NPAS3: variants seen among roughly 807,000 people sequenced by gnomAD.
NPAS3 encodes neuronal PAS domain-containing protein 3.
Under a neutral mutation model 73.1 loss-of-function variants are expected in NPAS3, and 14 were observed. The ratio of observed to expected loss-of-function variants is 0.19; its 90% CI spans 0.13 to 0.30. The LOEUF is 0.30. Among genes scored for constraint, NPAS3 ranks in the 10% least tolerant of loss-of-function variants. NPAS3 has a pLI of 1.00. For synonymous variants in NPAS3, 620 were observed against 541.5 expected (o/e 1.14, Z -2.01); for missense variants, 1,096 against 1,250.0 (o/e 0.88, Z 1.86).
intron 2 of NPAS3, among the ~76,000 whole-genome samples, chr14:33,156,526 T>G (rs1240382951): frequency 6.6e-6 from 1 of 152,226 alleles, no homozygotes; most frequent in Non-Finnish European, 1.5e-5. Flanking sequence ...TTAAATTCCC[T>G]TAATTATTTA....
intron 7 of NPAS3, among the ~76,000 whole-genome samples, chr14:33,754,525 C>A (rs763031028): frequency 6.6e-6 from 1 of 152,040 alleles, no homozygotes. Flanking sequence ...GGCTCTATGG[C>A]GGTAGCATGG....
At chr14:33,198,142 C>G (rs971691041) in intron 2 of NPAS3, among the ~76,000 whole-genome samples, 1 of 152,130 alleles carries the variant, frequency 6.6e-6, no homozygotes, top group African/African-American at 2.4e-5. Context: ...AAACTGCAGA[C>G]CTTCGCAGTG....
intron 5 of NPAS3, among the ~76,000 whole-genome samples, chr14:33,666,796 G>A (rs1422953200): frequency 6.6e-6 from 1 of 152,146 alleles, no homozygotes; most frequent in Non-Finnish European, 1.5e-5. Flanking sequence ...ATAAATGATA[G>A]ATAAATACAT....
chr14:33,627,262 T>A (rs948731873), intron 5 of NPAS3, among the ~76,000 whole-genome samples: 58 of 152,100 alleles, frequency 3.8e-4, no homozygotes, highest in African/African-American at 1.3e-3. Flanking sequence ...AACGTACAAA[T>A]AAAGTTGTTT....
chr14:33,349,876 G>A (rs936712353), intron 3 of NPAS3, among the ~76,000 whole-genome samples: 2 of 152,168 alleles, frequency 1.3e-5, no homozygotes, highest in Admixed American at 1.3e-4. Flanking sequence ...GTCTCTGGGC[G>A]GAATTGTTGA....
intron 3 of NPAS3, among the ~76,000 whole-genome samples, chr14:33,229,788 A>G (rs1344220844): frequency 6.6e-6 from 1 of 152,224 alleles, no homozygotes; most frequent in African/African-American, 2.4e-5. Context: ...AACGACTCTA[A>G]TAATTTGTAC....
At chr14:33,699,951 A>T (rs1209551206) in intron 6 of NPAS3, among the ~76,000 whole-genome samples, 1 of 152,174 alleles carries the variant, frequency 6.6e-6, no homozygotes, top group Non-Finnish European at 1.5e-5. Context: ...GTGGCATCAT[A>T]AAATACCCTA....
intron 4 of NPAS3, among the ~76,000 whole-genome samples, chr14:33,417,974 G>T (rs112942064): frequency 1.3e-5 from 2 of 151,968 alleles, no homozygotes; most frequent in Middle Eastern, 3.4e-3. Context: ...TTGCACACAC[G>T]CTCATTGTTT....
At position 33,216,126 on chromosome 14, in the gene NPAS3, A is replaced by T. The variant is rs191440356; in HGVS notation, c.385+700A>T. Reference sequence around the variant, plus strand: ...TATGCATGGATATATTTATTTATGTATATGTGGTGTTGGCCATTGGTTTTC... The same window carrying T: ...TATGCATGGATATATTTATTTATGTTTATGTGGTGTTGGCCATTGGTTTTC... On this transcript the variant is annotated intron_variant, in intron 3 of 11. Transcript: ENST00000356141. 1.7e-4 allele frequency among the ~76,000 whole-genome samples: 26 copies of T among 152,168 alleles called. No homozygotes were observed. The South Asian group carries it at 5.4e-3, about 32-fold the overall frequency.
intron 5 of NPAS3, among the ~76,000 whole-genome samples, chr14:33,621,114 A>T (rs2058063880): frequency 6.6e-6 from 1 of 152,120 alleles, no homozygotes; most frequent in Admixed American, 6.5e-5. Context: ...TAACTGCAAT[A>T]CGTGAAAAGG....
chr14:33,341,705 A>T (rs921148272), intron 3 of NPAS3, among the ~76,000 whole-genome samples: 6 of 152,158 alleles, frequency 3.9e-5, no homozygotes, highest in African/African-American at 1.4e-4. Flanking sequence ...GATTGGCTAC[A>T]CTGATCTCTG....
intron 1 of NPAS3, among the ~76,000 whole-genome samples, chr14:33,022,198 A>T (rs540868585): frequency 6.6e-6 from 1 of 152,364 alleles, no homozygotes; most frequent in African/African-American, 2.4e-5. Flanking sequence ...ACTTTCTGTC[A>T]ATGGGAAAAT....
At chr14:33,557,553 T>G (rs2055415845) in intron 4 of NPAS3, among the ~76,000 whole-genome samples, 1 of 152,238 alleles carries the variant, frequency 6.6e-6, no homozygotes, top group Non-Finnish European at 1.5e-5. Context: ...GAATCTTTAT[T>G]TTTATTGTAA....
At chr14:33,654,969 C>T (rs1309746135) in intron 5 of NPAS3, among the ~76,000 whole-genome samples, 1 of 152,204 alleles carries the variant, frequency 6.6e-6, no homozygotes, top group Non-Finnish European at 1.5e-5. Flanking sequence ...TACATATACC[C>T]TGCTGGACAC....
At chr14:33,084,148 T>C (rs2041948356) in intron 2 of NPAS3, among the ~76,000 whole-genome samples, 1 of 152,224 alleles carries the variant, frequency 6.6e-6, no homozygotes, top group African/African-American at 2.4e-5. Flanking sequence ...TCCAAACTTA[T>C]TAGACTATAA....
intron 1 of NPAS3, among the ~76,000 whole-genome samples, chr14:32,977,811 C>T (rs550665393): frequency 9.2e-5 from 14 of 152,286 alleles, no homozygotes; most frequent in Non-Finnish European, 1.9e-4. Flanking sequence ...CCACATAGCA[C>T]AAGCAGTGTC....
At chr14:33,619,028 A>G (rs2058005003) in intron 5 of NPAS3, among the ~76,000 whole-genome samples, 1 of 152,200 alleles carries the variant, frequency 6.6e-6, no homozygotes, top group African/African-American at 2.4e-5. Flanking sequence ...GAAACCTTTA[A>G]GAGTAGGCTT....
At chr14:33,638,958 A>G (rs961710327) in intron 5 of NPAS3, among the ~76,000 whole-genome samples, 4 of 152,166 alleles carry the variant, frequency 2.6e-5, no homozygotes, top group Non-Finnish European at 5.9e-5. Flanking sequence ...AATTCCTTAG[A>G]AGTTATTTGA....
chr14:33,103,985 T>C (rs2138908976), intron 2 of NPAS3, among the ~76,000 whole-genome samples: 1 of 152,216 alleles, frequency 6.6e-6, no homozygotes, highest in East Asian at 1.9e-4. Context: ...AAATATGCTG[T>C]TGACAAAAAG....
Sources: allele counts gnomAD v4.1 joint callset (sites outside exome capture counted in the v4.1 genomes callset), GRCh38; gene constraint gnomAD v4.1.1; transcripts MANE v1.5; gene names NCBI Gene and HGNC (gene_info 2026-07-23, HGNC 2026-07-21).